CNTNAP5: variants seen among roughly 807,000 people sequenced by gnomAD.
CNTNAP5 encodes the protein contactin associated protein family member 5, also known as contactin-associated protein-like 5.
CNTNAP5 carries 72 observed loss-of-function variants against 150.2 expected under a neutral mutation model. The ratio of observed to expected loss-of-function variants is 0.48; its 90% confidence interval spans 0.40 to 0.58. CNTNAP5 has a LOEUF of 0.58. Ranked by LOEUF, CNTNAP5 falls within the 20% of genes least tolerant of loss-of-function variation. CNTNAP5 has a pLI of 0.00. For missense variants in CNTNAP5, 1,636 were observed against 1,626.2 expected (o/e 1.01, Z -0.10); for synonymous variants, 672 against 619.8 (o/e 1.08, Z -1.25).
chr2:124,805,587 T>C (rs935809534), intron 19 of CNTNAP5, among the ~76,000 whole-genome samples: 1 of 152,188 alleles, frequency 6.6e-6, no homozygotes, highest in Non-Finnish European at 1.5e-5. Context: ...AGAGCTAGTA[T>C]GGAAATAAAG....
chr2:124,851,869 T>TA (rs1376842292), intron 19 of CNTNAP5, among the ~76,000 whole-genome samples: 1 of 152,176 alleles, frequency 6.6e-6, no homozygotes, highest in Non-Finnish European at 1.5e-5. Context: ...TTCCACCAGA[T>TA]AAACCATTCA....
chr2:124,673,392 G>T (rs955695059), intron 13 of CNTNAP5, among the ~76,000 whole-genome samples: 1 of 151,930 alleles, frequency 6.6e-6, no homozygotes, highest in Non-Finnish European at 1.5e-5. Flanking sequence ...TTGATAGGGC[G>T]GTAGTAACAC....
chr2:124,700,485 G>C (rs1312302077), intron 13 of CNTNAP5, among the ~76,000 whole-genome samples: 1 of 152,056 alleles, frequency 6.6e-6, no homozygotes, highest in East Asian at 1.9e-4. Flanking sequence ...AGGAGTACTT[G>C]AAGAGTCTAA....
chr2:124,078,174 TATG>T (rs1288562389), intron 1 of CNTNAP5, among the ~76,000 whole-genome samples: 13 of 152,248 alleles, frequency 8.5e-5, no homozygotes, highest in African/African-American at 2.7e-4. Flanking sequence ...TCTGTTTTCT[TATG>T]AATATATGTA....
At chr2:124,578,112 C>T (rs577736397) in intron 11 of CNTNAP5, among the ~76,000 whole-genome samples, 7 of 144,978 alleles carry the variant, frequency 4.8e-5, no homozygotes, top group Middle Eastern at 3.6e-3. Context: ...GAGTTCGAGA[C>T]CAGCCTGGCC....
chr2:124,532,696 A>G (rs1695138261), intron 10 of CNTNAP5, among the ~76,000 whole-genome samples: 1 of 152,210 alleles, frequency 6.6e-6, no homozygotes, highest in Non-Finnish European at 1.5e-5. Flanking sequence ...CCCCGCCCAC[A>G]GTCTGAGATG....
intron 17 of CNTNAP5, among the ~76,000 whole-genome samples, chr2:124,776,893 A>C (rs1345242695): frequency 6.6e-6 from 1 of 152,200 alleles, no homozygotes; most frequent in Non-Finnish European, 1.5e-5. Context: ...TATGTCTACT[A>C]TTCCCCCATA....
At chr2:124,128,268 A>AC (rs1683761554) in intron 1 of CNTNAP5, among the ~76,000 whole-genome samples, 1 of 152,048 alleles carries the variant, frequency 6.6e-6, no homozygotes, top group African/African-American at 2.4e-5. Context: ...AACAGACACT[A>AC]CCCCAAAGAA....
chr2:124,220,770 A>G (rs1484463191), intron 1 of CNTNAP5, among the ~76,000 whole-genome samples: 1 of 152,134 alleles, frequency 6.6e-6, no homozygotes, highest in Non-Finnish European at 1.5e-5. Flanking sequence ...TGTAAACCTA[A>G]GCCAGTGAGG....
chr2:124,466,796 C>T (rs1352856741), intron 6 of CNTNAP5, among the ~76,000 whole-genome samples: 2 of 152,098 alleles, frequency 1.3e-5, no homozygotes, highest in Non-Finnish European at 2.9e-5. Flanking sequence ...GGCCCTGGGC[C>T]ATTTCATACA....
intron 5 of CNTNAP5, among the ~76,000 whole-genome samples, chr2:124,437,909 T>C (rs139827647): frequency 6.6e-6 from 1 of 152,306 alleles, no homozygotes; most frequent in African/African-American, 2.4e-5. Flanking sequence ...CAGTGTCTCC[T>C]TTAGTGACAA....
intron 13 of CNTNAP5, among the ~76,000 whole-genome samples, chr2:124,718,550 T>C (rs1233390944): frequency 6.6e-6 from 1 of 152,164 alleles, no homozygotes; most frequent in Non-Finnish European, 1.5e-5. Flanking sequence ...AAACCCACTA[T>C]TGCCTTTAAA....
At chr2:124,264,255 A>G (rs969904843) in intron 3 of CNTNAP5, among the ~76,000 whole-genome samples, 13 of 152,242 alleles carry the variant, frequency 8.5e-5, no homozygotes, top group Non-Finnish European at 1.8e-4. Flanking sequence ...TACTATTTTT[A>G]TAAGTAACAA....
chr2:124,240,270 T>C (rs1686851840), intron 2 of CNTNAP5, among the ~76,000 whole-genome samples: 1 of 152,192 alleles, frequency 6.6e-6, no homozygotes, highest in Non-Finnish European at 1.5e-5. Context: ...GCAAGTACTT[T>C]CCTTCATGTG....
chr2:124,370,601 C>T (rs572607154), intron 3 of CNTNAP5, among the ~76,000 whole-genome samples: 5 of 152,158 alleles, frequency 3.3e-5, no homozygotes, highest in Admixed American at 2.0e-4. Flanking sequence ...GATCAAGGAA[C>T]GGTAAATTAG....
At chr2:124,792,813 C>A (rs917938156) in intron 18 of CNTNAP5, among the ~76,000 whole-genome samples, 1 of 152,126 alleles carries the variant, frequency 6.6e-6, no homozygotes, top group Non-Finnish European at 1.5e-5. Flanking sequence ...TCTTTTACTT[C>A]GCATAATATT....
At chr2:124,566,600 G>A (rs1191752408) in intron 11 of CNTNAP5, among the ~76,000 whole-genome samples, 1 of 152,272 alleles carries the variant, frequency 6.6e-6, no homozygotes, top group Non-Finnish European at 1.5e-5. Flanking sequence ...ACTGTAGGCT[G>A]CAACTTTGTG....
At chr2:124,157,820 C>A (rs1684581078) in intron 1 of CNTNAP5, among the ~76,000 whole-genome samples, 3 of 152,160 alleles carry the variant, frequency 2.0e-5, no homozygotes, top group Admixed American at 2.0e-4. Flanking sequence ...GAGATCCCAA[C>A]CTAACCTTAA....
intron 1 of CNTNAP5, among the ~76,000 whole-genome samples, chr2:124,209,950 T>C (rs949675165): frequency 2.0e-5 from 3 of 152,120 alleles, no homozygotes; most frequent in Non-Finnish European, 4.4e-5. Context: ...GAGTCAAATA[T>C]AAACACAGCC....
Sources: gnomAD v4.1 joint callset for allele counts (sites outside exome capture counted in the v4.1 genomes callset) on GRCh38, gnomAD v4.1.1 for gene constraint, MANE v1.5 for transcripts, NCBI Gene and HGNC (gene_info 2026-07-23, HGNC 2026-07-21) for gene names.